The following EIF3K variants were observed in gnomAD, a reference collection of about 807,000 sequenced individuals.
EIF3K encodes the protein eukaryotic translation initiation factor 3 subunit K.
A neutral mutation model predicts 34.2 loss-of-function variants in EIF3K; 27 were observed. The observed-to-expected ratio is 0.79, with a 90% confidence interval of 0.58 to 1.09. The LOEUF is 1.09. Ranked by LOEUF, EIF3K falls within the 50% of genes least tolerant of loss-of-function variation. The probability of loss-of-function intolerance (pLI) is 0.00; values close to 1 mark genes in which losing one functional copy is unlikely to be tolerated. For synonymous variants in EIF3K, 105 were observed against 105.7 expected (o/e 0.99, Z 0.04); for missense variants, 232 against 275.4 (o/e 0.84, Z 1.11).
chr19:38,629,359 AAC>A (rs1321156393), intron 4 of EIF3K, among the ~76,000 whole-genome samples: 1 of 152,146 alleles, frequency 6.6e-6, no homozygotes, highest in African/African-American at 2.4e-5. Flanking sequence ...CAGTGATGCA[AAC>A]ACAGCTCACT....
intron 2 of EIF3K, among the ~76,000 whole-genome samples, chr19:38,620,723 A>G (rs1381738625): frequency 6.6e-6 from 1 of 151,900 alleles, no homozygotes; most frequent in Non-Finnish European, 1.5e-5. Flanking sequence ...GAGAAACCCC[A>G]TCTTTACTAA....
At chr19:38,633,897 C>G (rs1472596284) in intron 6 of EIF3K, among the ~76,000 whole-genome samples, 1 of 151,574 alleles carries the variant, frequency 6.6e-6, no homozygotes, top group Non-Finnish European at 1.5e-5. Context: ...CGCTTGAGCC[C>G]AGGAGCAGAG....
chr19:38,626,557 G>A (rs1227273715), intron 4 of EIF3K, among the ~76,000 whole-genome samples: 19 of 152,190 alleles, frequency 1.2e-4, no homozygotes, highest in Admixed American at 1.2e-3. Flanking sequence ...AGGCTAAGGT[G>A]GGAGGATCGC....
chr19:38,635,223 G>C, intron 7 of EIF3K, 105 bp downstream of exon 7: 1 of 1,524,856 alleles, frequency 6.6e-7, no homozygotes. Context: ...TCGTGTTCTG[G>C]GCTGGGAAGT....
At position 38,632,643 on chromosome 19, in the gene EIF3K, G is replaced by A. The variant is rs547512433; in HGVS notation, c.464G>A (p.Arg155His). 211 of 1,613,606 alleles carry A rather than the reference G, an allele frequency of 1.3e-4. No individual in the cohort carries two copies. The East Asian group carries it at 2.1e-3, about 16-fold the overall frequency. Residue 155 changes from arginine (R) to histidine (H), a missense_variant, in exon 6 of 8, where the codon CGC becomes CAC. Arg to His is a conservative substitution (Grantham distance 29). Coordinates refer to ENST00000248342, the MANE Select transcript of EIF3K (RefSeq NM_013234.4). ...GGTATCACTTACCAGCACATTGACC[G>A]CTGGCTGCTGGCCGAGATGCTCGGG... The part of the protein sequence containing the change: ...VVGITYQHID[R>H]WLLAEMLGDL...
intron 7 of EIF3K, 189 bp downstream of exon 7, chr19:38,635,307 T>G (rs1976166577): frequency 1.1e-5 from 9 of 792,046 alleles, no homozygotes; most frequent in Non-Finnish European, 1.8e-5. Flanking sequence ...AGCTGGGTGA[T>G]CTTCCCTGGA....
At chr19:38,634,916 G>T in intron 6 of EIF3K, 77 bp from the exon 7 acceptor site, 1 of 1,595,878 alleles carries the variant, frequency 6.3e-7, no homozygotes. Flanking sequence ...CCTGAGCCAT[G>T]ACTCTGTTGC....
chr19:38,624,535 C>T (rs1975907763), intron 3 of EIF3K, among the ~76,000 whole-genome samples: 2 of 152,094 alleles, frequency 1.3e-5, no homozygotes, highest in African/African-American at 4.8e-5. Flanking sequence ...GTCAGGAGTT[C>T]GAGACCAGCC....
At chr19:38,626,817 G>GT (rs1348901883) in intron 4 of EIF3K, among the ~76,000 whole-genome samples, 1 of 151,704 alleles carries the variant, frequency 6.6e-6, no homozygotes, top group Admixed American at 6.6e-5. Flanking sequence ...TTGTTTTTTG[G>GT]TTTTTTTGAG....
At chr19:38,619,589 G>C (rs944820816) in intron 1 of EIF3K, among the ~76,000 whole-genome samples, 18 of 152,170 alleles carry the variant, frequency 1.2e-4, no homozygotes, top group African/African-American at 4.3e-4. Context: ...GCCAAACCCC[G>C]TCTCTAAAAG....
intron 2 of EIF3K, among the ~76,000 whole-genome samples, chr19:38,621,702 C>T (rs947271295): frequency 1.3e-5 from 2 of 152,184 alleles, no homozygotes; most frequent in African/African-American, 2.4e-5. Context: ...GGAGTGCATA[C>T]AGCACAAACT....
chr19:38,633,452 C>T (rs1302542072), intron 6 of EIF3K, among the ~76,000 whole-genome samples: 1 of 152,044 alleles, frequency 6.6e-6, no homozygotes, highest in Admixed American at 6.5e-5. Context: ...TAATCCAGCA[C>T]TTTGGGAGGC....
At chr19:38,621,197 T>TA (rs34987023) in intron 2 of EIF3K, among the ~76,000 whole-genome samples, 1,301 of 120,032 alleles carry the variant, frequency 0.011, 6 homozygotes, top group South Asian at 0.02. Flanking sequence ...CCCCTCTTTT[T>TA]AAAAAAAAAA....
chr19:38,631,553 ATACAATCGGGTTT>A (rs1976066131), intron 4 of EIF3K, among the ~76,000 whole-genome samples: 1 of 152,222 alleles, frequency 6.6e-6, no homozygotes, highest in Non-Finnish European at 1.5e-5. Flanking sequence ...TAGATGGAAC[ATACAATCGGGTTT>A]TACACGAGAC....
intron 2 of EIF3K, 104 bp from the exon 3 acceptor site, chr19:38,623,973 A>G: frequency 1.3e-6 from 2 of 1,549,178 alleles, no homozygotes; most frequent in Non-Finnish European, 1.8e-6. Flanking sequence ...GAACCCAGGC[A>G]TGTCCAATTC....
Position 38,619,304 on chromosome 19 carries a change from C to A in EIF3K, c.36C>A (p.Gly12=), listed in dbSNP as rs2232996. 2,164 of 1,614,062 alleles carry A rather than the reference C, an allele frequency of 1.3e-3. 10 individuals carry two copies. In the African/African-American group the frequency reaches 0.016, roughly 12 times the overall value. Residue 12 remains glycine (G), a synonymous_variant, in exon 1 of 8, where the codon GGC becomes GGA. Coordinates refer to ENST00000248342, the MANE Select transcript of EIF3K (RefSeq NM_013234.4). ...AMFEQMRANV[G]KLLKGIDRYN... is the part of the protein sequence containing the mutation. ...TTGAGCAGATGAGAGCCAACGTGGG[C>A]AAGTTGCTCAAGGGTATCGACAGGT...
chr19:38,622,753 C>T (rs1975869504), intron 2 of EIF3K, among the ~76,000 whole-genome samples: 1 of 152,220 alleles, frequency 6.6e-6, no homozygotes, highest in South Asian at 2.1e-4. Flanking sequence ...ACAGGTACGC[C>T]CCGGGGGGCC....
chr19:38,620,425 G>T lies in EIF3K; in HGVS notation c.148G>T (p.Val50Phe), dbSNP rs1165243216. Residue 50 changes from valine to phenylalanine, a missense_variant, in exon 2 of 8, where the codon GTC becomes TTC. Physicochemically the swap from Val to Phe is conservative, Grantham distance 50 (BLOSUM62 -1). Coordinates refer to ENST00000248342, the MANE Select transcript of EIF3K (RefSeq NM_013234.4). ...NAYDLEANLAVLKLYQFNPAF... is the reference protein window; with the variant it reads ...NAYDLEANLAFLKLYQFNPAF... ...CTATGATCTGGAAGCCAACCTGGCT[G>T]TCCTGAAGCTGTAAGTGTCTAGCTC... 1 of 1,613,724 alleles carries T rather than the reference G, an allele frequency of 6.2e-7. No individual in the cohort carries two copies. The highest frequency in any genetic ancestry group is 8.5e-7 in the Non-Finnish European group (1 of 1,179,856).
intron 2 of EIF3K, among the ~76,000 whole-genome samples, chr19:38,621,903 CTTTTT>C (rs914363057): frequency 4.5e-5 from 5 of 111,502 alleles, no homozygotes; most frequent in Non-Finnish European, 9.1e-5. Flanking sequence ...TCTTCGTGCC[CTTTTT>C]TTTTTTTTTT....
Sources: gnomAD v4.1 joint callset for allele counts (sites outside exome capture counted in the v4.1 genomes callset) on GRCh38, gnomAD v4.1.1 for gene constraint, MANE v1.5 for transcripts, NCBI Gene and HGNC (gene_info 2026-07-23, HGNC 2026-07-21) for gene names.